The following NSUN6 variants were observed in gnomAD, a reference collection of about 807,000 sequenced individuals.
NSUN6 encodes the protein NOP2/Sun RNA methyltransferase 6.
NSUN6 carries 64 observed loss-of-function variants against 58.0 expected under a neutral mutation model. The ratio of observed to expected loss-of-function variants is 1.10; its 90% confidence interval spans 0.90 to 1.36. The LOEUF (loss-of-function observed/expected upper bound fraction) is 1.36. Ranked by LOEUF, NSUN6 falls within the 40% of genes most tolerant of loss-of-function variation. The probability of loss-of-function intolerance (pLI) is 0.00; values close to 1 mark genes in which losing one functional copy is unlikely to be tolerated. For synonymous variants in NSUN6, 231 were observed against 193.9 expected, an observed-to-expected ratio of 1.19 and a Z score of -1.59; for missense variants, 701 against 550.1, an observed-to-expected ratio of 1.27 and a Z score of -2.74.
chr10:18,585,651 G>A (rs2057097419), intron 8 of NSUN6, among the ~76,000 whole-genome samples: 1 of 152,162 alleles, frequency 6.6e-6, no homozygotes, highest in Non-Finnish European at 1.5e-5. Flanking sequence ...TGGGGGAGGA[G>A]GGAGGACCAA....
upstream of NSUN6, chr10:18,654,885 AT>A (rs2059761250): frequency 5.4e-6 from 1 of 183,708 alleles, no homozygotes; most frequent in African/African-American, 2.4e-5. Context: ...AAATAAAAAA[AT>A]AAATAAAATT....
intron 8 of NSUN6, among the ~76,000 whole-genome samples, chr10:18,570,760 C>A (rs185942383): frequency 6.7e-6 from 1 of 150,060 alleles, no homozygotes; most frequent in East Asian, 2.0e-4. Flanking sequence ...TTCCATTCTC[C>A]ATTCCATTCC....
intron 8 of NSUN6, among the ~76,000 whole-genome samples, chr10:18,574,187 T>C (rs2056535079): frequency 6.6e-6 from 1 of 152,086 alleles, no homozygotes; most frequent in African/African-American, 2.4e-5. Flanking sequence ...ATGGCCTCAA[T>C]GCATCCAGTC....
At chr10:18,643,632 A>G (rs1293944601) in intron 2 of NSUN6, among the ~76,000 whole-genome samples, 7 of 152,234 alleles carry the variant, frequency 4.6e-5, no homozygotes, top group African/African-American at 9.6e-5. Context: ...CAGATAACTA[A>G]TAAGCAATCT....
At chr10:18,652,296 G>A (rs1467794371), upstream of NSUN6, 3 of 984,368 alleles carry the variant, frequency 3.0e-6, no homozygotes, top group Non-Finnish European at 2.4e-6. Flanking sequence ...AACTCACTGA[G>A]TCATTTTATA....
chr10:18,628,666 T>G (rs557458071), intron 3 of NSUN6, among the ~76,000 whole-genome samples: 204 of 152,136 alleles, frequency 1.3e-3, no homozygotes, highest in Admixed American at 2.1e-3. Flanking sequence ...CGATGGAAGA[T>G]GAACTGAATG....
chr10:18,577,655 G>C (rs900537889), intron 8 of NSUN6, among the ~76,000 whole-genome samples: 1 of 152,224 alleles, frequency 6.6e-6, no homozygotes, highest in South Asian at 2.1e-4. Context: ...GGAATTATTA[G>C]ATATGAGTTC....
chr10:18,625,902 C>T (rs932027409), intron 3 of NSUN6, among the ~76,000 whole-genome samples: 16 of 151,958 alleles, frequency 1.1e-4, no homozygotes, highest in African/African-American at 3.9e-4. Flanking sequence ...TTCACAATAA[C>T]ATTTAATGCC....
intron 8 of NSUN6, among the ~76,000 whole-genome samples, chr10:18,576,950 T>G (rs2056680192): frequency 1.3e-5 from 2 of 152,204 alleles, no homozygotes; most frequent in African/African-American, 4.8e-5. Flanking sequence ...AACTCTCATG[T>G]CTATTTAGAC....
chr10:18,556,938 A>AGAATGGAAGG (rs2055072744), intron 8 of NSUN6, among the ~76,000 whole-genome samples: 1 of 150,424 alleles, frequency 6.6e-6, no homozygotes. Flanking sequence ...AACGGAATGG[A>AGAATGGAAGG]GAATGGAAGG....
chr10:18,590,896 G>C (rs1309452082), intron 7 of NSUN6, among the ~76,000 whole-genome samples: 1 of 151,918 alleles, frequency 6.6e-6, no homozygotes, highest in African/African-American at 2.4e-5. Context: ...TAAATAACTA[G>C]AGCAGAAATG....
rs549001551 is a variant in NSUN6 at position 18,576,309 on chromosome 10, T to C, written c.922+9640A>G. ...AAGACAGATCTCCACTTCAGAAAAG[T>C]ACCTCTGTCCCTCCTGGCTCTCCTC... is the stretch of plus-strand genomic sequence containing the variant. On this transcript the variant is annotated intron_variant, in intron 8 of 10. Coordinates refer to ENST00000377304, the MANE Select transcript of NSUN6 (RefSeq NM_182543.5). Among the ~76,000 whole-genome samples, 15 of 152,214 alleles carry C rather than the reference T, an allele frequency of 9.9e-5. No individual in the cohort carries two copies. In the East Asian group the frequency reaches 2.9e-3, roughly 29 times the overall value.
rs2059147570 is a variant in NSUN6 at position 18,634,563 on chromosome 10, AACATGGTGAAACC to A, written c.311+7900_311+7912del. On this transcript the variant is annotated intron_variant, in intron 3 of 10. Transcript: ENST00000377304. ...TCAGGAGATTGAGACCATCCCGGCT[AACATGGTGAAACC>A]ACATCTCTACTAAAAAAAATACAAA... Among the ~76,000 whole-genome samples, 4 of 151,682 alleles carry A rather than the reference AACATGGTGAAACC, an allele frequency of 2.6e-5. No individual in the cohort carries two copies. The South Asian group carries it at 8.4e-4, about 32-fold the overall frequency.
chr10:18,618,696 A>C (rs562786404), intron 3 of NSUN6, among the ~76,000 whole-genome samples: 3 of 151,654 alleles, frequency 2.0e-5, no homozygotes, highest in Non-Finnish European at 2.9e-5. Context: ...AAAAAAAAAA[A>C]AAAAAGAAAC....
At chr10:18,562,212 T>C (rs763312611) in intron 8 of NSUN6, among the ~76,000 whole-genome samples, 15 of 144,682 alleles carry the variant, frequency 1.0e-4, no homozygotes, top group Non-Finnish European at 1.7e-4. Flanking sequence ...GAGAATAGAA[T>C]GCAATAGAAT....
chr10:18,594,492 A>G (rs575225818), intron 7 of NSUN6, among the ~76,000 whole-genome samples: 5 of 151,176 alleles, frequency 3.3e-5, no homozygotes, highest in Non-Finnish European at 7.4e-5. Context: ...TCTGTCACCC[A>G]TGCTGGAGTG....
chr10:18,553,036 C>T (rs956839047), intron 8 of NSUN6, among the ~76,000 whole-genome samples: 1 of 151,366 alleles, frequency 6.6e-6, no homozygotes, highest in Non-Finnish European at 1.5e-5. Flanking sequence ...ATTCCATTCC[C>T]TTCTCCATTC....
chr10:18,611,209 A>AAG (rs2058222837), intron 5 of NSUN6, among the ~76,000 whole-genome samples: 6 of 151,952 alleles, frequency 3.9e-5, no homozygotes, highest in African/African-American at 1.5e-4. Flanking sequence ...TTTTAAAAAA[A>AAG]TTTTTTTTAA....
chr10:18,632,173 A>T (rs1343201761), intron 3 of NSUN6, among the ~76,000 whole-genome samples: 1 of 152,154 alleles, frequency 6.6e-6, no homozygotes, highest in Non-Finnish European at 1.5e-5. Flanking sequence ...CCTAGTTAAT[A>T]AATGGTGCTG....
Sources: allele counts gnomAD v4.1 joint callset (sites outside exome capture counted in the v4.1 genomes callset), GRCh38; gene constraint gnomAD v4.1.1; transcripts MANE v1.5; gene names NCBI Gene and HGNC (gene_info 2026-07-23, HGNC 2026-07-21).